REPS2: variants seen among roughly 807,000 people sequenced by gnomAD.
REPS2 encodes ralBP1-associated Eps domain-containing protein 2.
In REPS2, 23 loss-of-function variants were observed where a neutral mutation model predicts 53.6. That is an observed-to-expected ratio of 0.43 (90% confidence interval 0.31 to 0.61). REPS2 has a LOEUF of 0.61. REPS2 is among the 20% of genes least tolerant of loss of function. The probability of loss-of-function intolerance (pLI) is 0.11; values close to 1 mark genes in which losing one functional copy is unlikely to be tolerated. For synonymous variants in REPS2, 238 were observed against 218.6 expected, an observed-to-expected ratio of 1.09 and a Z score of -0.78; for missense variants, 446 against 534.9, an observed-to-expected ratio of 0.83 and a Z score of 1.64.
downstream of REPS2, among the ~76,000 whole-genome samples, chrX:17,157,321 CT>C (rs1203978948): frequency 1.8e-5 from 2 of 111,568 alleles, no homozygotes; most frequent in African/African-American, 6.5e-5. Context: ...CTTCCTTTTG[CT>C]TTTTATAGAT....
At chrX:16,961,822 A>G (rs2060665279) in intron 1 of REPS2, among the ~76,000 whole-genome samples, 1 of 112,332 alleles carries the variant, frequency 8.9e-6, no homozygotes, top group African/African-American at 3.2e-5. Context: ...CGATTAAAAA[A>G]TAGGCAAAGG....
intron 7 of REPS2, among the ~76,000 whole-genome samples, chrX:17,054,591 A>AT (rs1569151149): frequency 8.9e-6 from 1 of 111,889 alleles, no homozygotes; most frequent in African/African-American, 3.2e-5. Context: ...AAGAATTTAA[A>AT]TTTTTATTTA....
At chrX:16,957,787 G>C (rs2060614216) in intron 1 of REPS2, among the ~76,000 whole-genome samples, 1 of 111,762 alleles carries the variant, frequency 8.9e-6, no homozygotes, top group Non-Finnish European at 1.9e-5. Context: ...CAGCATGACT[G>C]ACACTTTGGG....
intron 14 of REPS2, among the ~76,000 whole-genome samples, chrX:17,120,855 A>C (rs1355162875): frequency 8.9e-6 from 1 of 112,022 alleles, no homozygotes; most frequent in Non-Finnish European, 1.9e-5. Context: ...GCGCATCTTC[A>C]ACCTTTTCCA....
At chrX:17,062,969 A>C (rs2062177762) in intron 9 of REPS2, among the ~76,000 whole-genome samples, 1 of 111,917 alleles carries the variant, frequency 8.9e-6, no homozygotes, top group Non-Finnish European at 1.9e-5. Context: ...ACTTTATATG[A>C]GGGCCCCAAA....
At chrX:16,992,205 AGAGACTT>A (rs1465208250) in intron 1 of REPS2, among the ~76,000 whole-genome samples, 2 of 110,709 alleles carry the variant, frequency 1.8e-5, no homozygotes, top group Admixed American at 1.9e-4. Context: ...TTCCTAGAAA[AGAGACTT>A]GAGGGAGCTT....
chrX:17,145,522 C>T (rs1215234912), intron 17 of REPS2, among the ~76,000 whole-genome samples: 2 of 111,613 alleles, frequency 1.8e-5, no homozygotes, highest in Admixed American at 9.5e-5. Context: ...CTACTTTCTT[C>T]ATACAAAAAT....
At chrX:17,074,302 G>GTTCCCATCAGGCCATGCACGA in intron 12 of REPS2, 143 bp downstream of exon 12, 1 of 521,332 alleles carries the variant, frequency 1.9e-6, no homozygotes. Flanking sequence ...GCTCGTGCAT[G>GTTCCCATCAGGCCATGCACGA]GCCTGATGGG....
chrX:16,965,291 C>T (rs1200548698), intron 1 of REPS2, among the ~76,000 whole-genome samples: 7 of 103,473 alleles, frequency 6.8e-5, no homozygotes, highest in African/African-American at 1.4e-4. Context: ...CCCTCCCAGA[C>T]GGGGCGGCTG....
intron 13 of REPS2, among the ~76,000 whole-genome samples, chrX:17,079,998 A>G (rs1486055509): frequency 8.9e-6 from 1 of 112,120 alleles, no homozygotes; most frequent in Non-Finnish European, 1.9e-5. Context: ...ACTGAGAATC[A>G]TGGTGTACAT....
chrX:17,166,504 C>G, the REPS2 span, among the ~76,000 whole-genome samples: 2 of 112,328 alleles, frequency 1.8e-5, no homozygotes, highest in Admixed American at 1.9e-4. Flanking sequence ...AACATCTGCT[C>G]ACAGGAGCCT....
At chrX:16,984,499 T>C (rs2061066452) in intron 1 of REPS2, among the ~76,000 whole-genome samples, 1 of 112,343 alleles carries the variant, frequency 8.9e-6, no homozygotes, top group African/African-American at 3.2e-5. Flanking sequence ...AAGAATACTA[T>C]GAGATGGAAA....
chrX:17,146,966 T>C (rs890400467), intron 17 of REPS2, among the ~76,000 whole-genome samples: 5 of 112,089 alleles, frequency 4.5e-5, no homozygotes, highest in Non-Finnish European at 9.4e-5. Flanking sequence ...GCGTACCTTT[T>C]TGGCCCTCAG....
At chrX:17,143,321 G>GT (rs1367536041) in intron 17 of REPS2, among the ~76,000 whole-genome samples, 2 of 111,830 alleles carry the variant, frequency 1.8e-5, no homozygotes, top group Non-Finnish European at 3.8e-5. Context: ...AAATTTCAAA[G>GT]TTCATTCTGT....
intron 1 of REPS2, among the ~76,000 whole-genome samples, chrX:16,997,343 TTAC>T (rs1457060780): frequency 1.8e-5 from 2 of 112,707 alleles, no homozygotes; most frequent in Non-Finnish European, 3.7e-5. Context: ...ATGTTAGTTC[TTAC>T]TGCCGAGTCT....
chrX:16,976,986 G>A (rs183342995), intron 1 of REPS2, among the ~76,000 whole-genome samples: 3 of 111,642 alleles, frequency 2.7e-5, no homozygotes, highest in African/African-American at 9.8e-5. Flanking sequence ...ACAAGCCTGA[G>A]TCTCCTGCTC....
At chrX:16,950,399 A>G (rs1249241302) in intron 1 of REPS2, among the ~76,000 whole-genome samples, 1 of 112,214 alleles carries the variant, frequency 8.9e-6, no homozygotes, top group Non-Finnish European at 1.9e-5. Flanking sequence ...CATTTGGGTA[A>G]ATAGCAAGGG....
At chrX:17,178,700 C>T in the REPS2 span, among the ~76,000 whole-genome samples, 1 of 111,256 alleles carries the variant, frequency 9.0e-6, no homozygotes, top group Non-Finnish European at 1.9e-5. Flanking sequence ...GAGGCCAAGG[C>T]GGGTGGATCA....
intron 1 of REPS2, among the ~76,000 whole-genome samples, chrX:16,999,352 A>C (rs1337196444): frequency 9.5e-6 from 1 of 105,535 alleles, no homozygotes; most frequent in Non-Finnish European, 1.9e-5. Context: ...TTTTGCTTCC[A>C]CTAGTGATGT....
Sources: gnomAD v4.1 joint callset for allele counts (sites outside exome capture counted in the v4.1 genomes callset) on GRCh38, gnomAD v4.1.1 for gene constraint, MANE v1.5 for transcripts, NCBI Gene and HGNC (gene_info 2026-07-23, HGNC 2026-07-21) for gene names.